Variants in CFAP20 observed in about 807,000 individuals in gnomAD.
The protein encoded by CFAP20 is cilia and flagella associated protein 20, also known as cilia- and flagella-associated protein 20.
A neutral mutation model predicts 25.5 loss-of-function variants in CFAP20; 14 were observed. That is an observed-to-expected ratio of 0.55 (90% CI 0.36 to 0.86). The LOEUF is 0.86. Ranked by LOEUF, CFAP20 falls within the 40% of genes least tolerant of loss-of-function variation. The pLI is 0.01. For synonymous variants in CFAP20, 75 were observed against 91.1 expected, an observed-to-expected ratio of 0.82 and a Z score of 1.01; for missense variants, 181 against 248.0, an observed-to-expected ratio of 0.73 and a Z score of 1.81.
intron 1 of CFAP20, among the ~76,000 whole-genome samples, chr16:58,122,827 G>C (rs1036287040): frequency 1.3e-5 from 2 of 152,126 alleles, no homozygotes; most frequent in African/African-American, 4.8e-5. Context: ...ATTAGAACAG[G>C]ACATGGGAAT....
intron 1 of CFAP20, 33 bp downstream of exon 1, chr16:58,128,998 CT>C: frequency 6.2e-7 from 1 of 1,600,472 alleles, no homozygotes; most frequent in Non-Finnish European, 8.5e-7. Flanking sequence ...GGTGCAGCCC[CT>C]CCACCCCGCC....
At chr16:58,124,050 T>C (rs191851117) in intron 1 of CFAP20, among the ~76,000 whole-genome samples, 1 of 152,108 alleles carries the variant, frequency 6.6e-6, no homozygotes, top group East Asian at 1.9e-4. Flanking sequence ...TGCAAAAGCT[T>C]GAAGGTGAGA....
intron 1 of CFAP20, among the ~76,000 whole-genome samples, chr16:58,124,651 G>A (rs1343919619): frequency 6.6e-6 from 1 of 152,184 alleles, no homozygotes; most frequent in Non-Finnish European, 1.5e-5. Flanking sequence ...ACGATAAAAA[G>A]TGACACAACT....
chr16:58,118,655 C>T (rs1406562532), intron 1 of CFAP20, among the ~76,000 whole-genome samples: 7 of 151,796 alleles, frequency 4.6e-5, no homozygotes, highest in Non-Finnish European at 1.0e-4. Flanking sequence ...CATGATGAAA[C>T]CCCATCTCTA....
chr16:58,114,120 T>A, intron 5 of CFAP20, 90 bp from the exon 6 acceptor site: 2 of 1,341,148 alleles, frequency 1.5e-6, no homozygotes, highest in Non-Finnish European at 2.1e-6. Flanking sequence ...TGGTGACACT[T>A]GAGTGGACAG....
At chr16:58,123,323 G>A (rs1960562105) in intron 1 of CFAP20, among the ~76,000 whole-genome samples, 1 of 143,250 alleles carries the variant, frequency 7.0e-6, no homozygotes, top group Non-Finnish European at 1.5e-5. Flanking sequence ...TTGGCTGGGC[G>A]CAGTGGCTCA....
At chr16:58,115,223 G>A (rs1330719489) in intron 4 of CFAP20, 46 bp downstream of exon 4, 1 of 1,608,356 alleles carries the variant, frequency 6.2e-7, no homozygotes, top group Non-Finnish European at 8.5e-7. Flanking sequence ...TAGACGCAGT[G>A]TGCCCTATCC....
intron 1 of CFAP20, among the ~76,000 whole-genome samples, chr16:58,122,926 G>A (rs527593516): frequency 3.9e-5 from 6 of 152,150 alleles, no homozygotes; most frequent in Non-Finnish European, 8.8e-5. Flanking sequence ...AGAAAGACAG[G>A]GTGACAGGAA....
chr16:58,114,280 C>A (rs529360022), intron 5 of CFAP20, among the ~76,000 whole-genome samples: 2 of 152,282 alleles, frequency 1.3e-5, no homozygotes, highest in East Asian at 1.9e-4. Context: ...GTAATCCCAG[C>A]AGTTTGGGAG....
intron 1 of CFAP20, among the ~76,000 whole-genome samples, chr16:58,125,673 C>A (rs561195715): frequency 1.5e-3 from 223 of 152,154 alleles, no homozygotes; most frequent in Non-Finnish European, 2.4e-3. Context: ...AACAGCAAGA[C>A]CTTGTCTCAG....
In CFAP20 at chr16:58,123,469, G is replaced by A. The variant is rs1186876623; in HGVS notation, c.84+5563C>T. On this transcript the variant is annotated intron_variant, in intron 1 of 5. Transcript: ENST00000262498. ...AAATTAGCTGGGCGTGGTGGCGGGC[G>A]CCTGTAGTCCCAGCTACTCCGGAGG... Among the ~76,000 whole-genome samples the A allele has an allele frequency of 2.0e-5, 3 of 147,444 alleles. No homozygotes were observed. The East Asian group carries it at 6.0e-4, about 29-fold the overall frequency.
chr16:58,128,211 T>C (rs777618285), intron 1 of CFAP20, among the ~76,000 whole-genome samples: 11 of 152,022 alleles, frequency 7.2e-5, no homozygotes, highest in Non-Finnish European at 1.5e-4. Flanking sequence ...TCTTCACATC[T>C]GCAAAAAACA....
Position 58,115,249 on chromosome 16 carries a change from A to G in CFAP20, c.465+20T>C. On this transcript the variant is annotated intron_variant, in intron 4 of 5. Transcript: ENST00000262498. ...TGCCCTATCCCCAACCCAGGGCTCT[A>G]TCTGGGAAAGGAGCAGTACCTGCAC... 6 of 1,613,856 alleles carry G rather than the reference A, an allele frequency of 3.7e-6. No individual in the cohort carries two copies. The highest frequency in any genetic ancestry group is 5.1e-6 in the Non-Finnish European group (6 of 1,179,758).
At chr16:58,114,525 C>CAAAAAA (rs57272078) in intron 5 of CFAP20, among the ~76,000 whole-genome samples, 16 of 129,012 alleles carry the variant, frequency 1.2e-4, no homozygotes, top group African/African-American at 4.3e-4. Flanking sequence ...GACTCCATCT[C>CAAAAAA]AAAAAAAAAA....
intron 2 of CFAP20, 107 bp downstream of exon 2, chr16:58,116,765 T>C: frequency 2.0e-6 from 2 of 985,802 alleles, no homozygotes; most frequent in Non-Finnish European, 3.1e-6. Context: ...GTGGCAGAGA[T>C]AGACTCACAT....
At chr16:58,116,190 ACT>A (rs1440636502) in intron 2 of CFAP20, 38 bp from the exon 3 acceptor site, 3 of 1,434,710 alleles carry the variant, frequency 2.1e-6, no homozygotes, top group Non-Finnish European at 2.9e-6. Context: ...ACACTCCTGG[ACT>A]CTCTTCCTTT....
intron 1 of CFAP20, 124 bp from the exon 2 acceptor site, chr16:58,117,075 A>T (rs1196952005): frequency 3.9e-6 from 3 of 763,496 alleles, no homozygotes; most frequent in African/African-American, 3.5e-5. Context: ...ACTGAAGCTT[A>T]TATGTAAGTA....
At position 58,114,930 on chromosome 16, in the gene CFAP20, C is replaced by A; in HGVS notation, c.466-10G>T. 6.2e-7 allele frequency: 1 copy of A among 1,602,936 alleles called. No individual in the cohort carries two copies. Among genetic ancestry groups the A allele is most frequent in the Non-Finnish European group, 8.5e-7 (1 of 1,169,964 alleles). On this transcript the variant is annotated splice_polypyrimidine_tract_variant and intron_variant, in intron 4 of 5. Coordinates refer to ENST00000262498, the MANE Select transcript of CFAP20 (RefSeq NM_013242.3). ...GACAATTTGCATGGATCTGTCAAGG[C>A]AATGCTTCTTTTGAGAGGCGAAATG...
At position 58,124,988 on chromosome 16, in the gene CFAP20, C is replaced by T. The variant is rs559229952; in HGVS notation, c.84+4044G>A. Reference sequence around the variant, plus strand: ...ACCTTGGCTTACTGGAACTTTTTTACTTTATAAACTTTAAAAATTTTAAAA... The same window carrying T: ...ACCTTGGCTTACTGGAACTTTTTTATTTTATAAACTTTAAAAATTTTAAAA... On this transcript the variant is annotated intron_variant, in intron 1 of 5. Transcript: ENST00000262498. 9.5e-4 allele frequency among the ~76,000 whole-genome samples: 144 copies of T among 152,268 alleles called. 1 individual carries two copies. The highest frequency in any genetic ancestry group is 3.3e-3 in the African/African-American group (137 of 41,562).
Sources: allele counts gnomAD v4.1 joint callset (sites outside exome capture counted in the v4.1 genomes callset), GRCh38; gene constraint gnomAD v4.1.1; transcripts MANE v1.5; gene names NCBI Gene and HGNC (gene_info 2026-07-23, HGNC 2026-07-21).